The following UBE2E2 variants were observed in gnomAD, a reference collection of about 807,000 sequenced individuals.
UBE2E2 encodes ubiquitin conjugating enzyme E2 E2, also known as ubiquitin-conjugating enzyme E2 E2.
Under a neutral mutation model 24.7 loss-of-function variants are expected in UBE2E2, and 6 were observed. That is an observed-to-expected ratio of 0.24 (90% CI 0.13 to 0.48). The LOEUF (loss-of-function observed/expected upper bound fraction) is 0.48, where lower values mean the gene tolerates loss of function less well. Ranked by LOEUF, UBE2E2 falls within the 20% of genes least tolerant of loss-of-function variation. The pLI, the probability that UBE2E2 is intolerant of heterozygous loss-of-function variation, is 0.99. For missense variants in UBE2E2, 169 were observed against 245.0 expected (o/e 0.69, Z 2.07); for synonymous variants, 104 against 83.6 (o/e 1.24, Z -1.33).
chr3:23,398,027 T>C (rs964837218), intron 3 of UBE2E2, among the ~76,000 whole-genome samples: 1 of 152,116 alleles, frequency 6.6e-6, no homozygotes, highest in African/African-American at 2.4e-5. Context: ...CAAAAGAAAC[T>C]TGGGGCCAGG....
At chr3:23,251,245 A>G (rs911096530) in intron 3 of UBE2E2, among the ~76,000 whole-genome samples, 8 of 152,054 alleles carry the variant, frequency 5.3e-5, no homozygotes, top group Non-Finnish European at 1.2e-4. Flanking sequence ...CTTGTGTGGG[A>G]ATCTGGGGGA....
intron 5 of UBE2E2, among the ~76,000 whole-genome samples, chr3:23,563,257 C>T (rs917713829): frequency 6.6e-5 from 10 of 152,154 alleles, no homozygotes; most frequent in African/African-American, 2.4e-4. Flanking sequence ...CCTAGAGATT[C>T]TAGTATGTTG....
intron 3 of UBE2E2, among the ~76,000 whole-genome samples, chr3:23,361,135 C>G (rs1696103671): frequency 6.6e-6 from 1 of 152,140 alleles, no homozygotes; most frequent in Non-Finnish European, 1.5e-5. Flanking sequence ...GAGATACCAC[C>G]TTACTCCTGT....
chr3:23,509,378 T>C (rs180893341), intron 4 of UBE2E2, among the ~76,000 whole-genome samples: 4 of 152,324 alleles, frequency 2.6e-5, no homozygotes, highest in Non-Finnish European at 4.4e-5. Flanking sequence ...GGAAATAATA[T>C]TCTACGTGTG....
At chr3:23,430,166 T>TA (rs147733838) in intron 3 of UBE2E2, among the ~76,000 whole-genome samples, 6,551 of 152,302 alleles carry the variant, frequency 0.043, 491 homozygotes, top group African/African-American at 0.15. Flanking sequence ...CTTAAGAATA[T>TA]AAACTCGATG....
chr3:23,540,549 C>A (rs1156480702), intron 5 of UBE2E2, among the ~76,000 whole-genome samples: 3 of 152,054 alleles, frequency 2.0e-5, no homozygotes, highest in Non-Finnish European at 2.9e-5. Flanking sequence ...AGATTACAGG[C>A]GCGCACCACC....
At chr3:23,324,393 G>A (rs1694829509) in intron 3 of UBE2E2, among the ~76,000 whole-genome samples, 1 of 152,108 alleles carries the variant, frequency 6.6e-6, no homozygotes, top group South Asian at 2.1e-4. Context: ...TATTCCTTAT[G>A]AATTATGAAG....
intron 3 of UBE2E2, among the ~76,000 whole-genome samples, chr3:23,225,579 T>C (rs970451645): frequency 6.6e-6 from 1 of 152,228 alleles, no homozygotes; most frequent in African/African-American, 2.4e-5. Flanking sequence ...ATTGTCTTGA[T>C]ACCCTTGTTG....
chr3:23,250,051 C>G (rs752157756), intron 3 of UBE2E2, among the ~76,000 whole-genome samples: 20 of 152,170 alleles, frequency 1.3e-4, no homozygotes, highest in Non-Finnish European at 2.6e-4. Flanking sequence ...CTGTCTTACC[C>G]CTTTAATCTA....
At chr3:23,534,017 A>C (rs1695193978) in intron 5 of UBE2E2, 1 of 172,840 alleles carries the variant, frequency 5.8e-6, no homozygotes, top group African/African-American at 2.4e-5. Flanking sequence ...TGTTATACTA[A>C]TTTAAAGTTA....
intron 3 of UBE2E2, among the ~76,000 whole-genome samples, chr3:23,355,803 G>A (rs1313244647): frequency 6.6e-6 from 1 of 152,174 alleles, no homozygotes; most frequent in Non-Finnish European, 1.5e-5. Context: ...TAAAGGAGAA[G>A]AACTATGCTA....
chr3:23,466,625 C>T (rs1360133029), intron 3 of UBE2E2, among the ~76,000 whole-genome samples: 4 of 151,818 alleles, frequency 2.6e-5, no homozygotes, highest in Admixed American at 6.6e-5. Context: ...TGGAGTGCAA[C>T]GGTGCAATCT....
chr3:23,316,345 T>C (rs1254681358), intron 3 of UBE2E2, among the ~76,000 whole-genome samples: 1 of 151,770 alleles, frequency 6.6e-6, no homozygotes, highest in Admixed American at 6.6e-5. Context: ...TCCTTCCCAC[T>C]CTTCCTTCCC....
intron 3 of UBE2E2, among the ~76,000 whole-genome samples, chr3:23,278,618 T>C (rs932075842): frequency 2.6e-5 from 4 of 152,148 alleles, no homozygotes; most frequent in African/African-American, 7.2e-5. Context: ...ATATCTGGGA[T>C]ATGTTGTGGG....
chr3:23,568,692 CACACATATATATATACATGTATAT>C (rs1575713777), intron 5 of UBE2E2, among the ~76,000 whole-genome samples: 2 of 81,232 alleles, frequency 2.5e-5, no homozygotes, highest in African/African-American at 1.1e-4. Context: ...TACATATATA[CACACATATATATATACATGTATAT>C]ACACATATAT....
chr3:23,583,888 C>G lies in UBE2E2; in HGVS notation c.509-5846C>G, dbSNP rs548394220. On this transcript the variant is annotated intron_variant, in intron 5 of 5. Transcript: ENST00000396703. The surrounding 1 kb of genome is among the most constrained non-coding windows in gnomAD (Gnocchi z 4.1). Reference sequence around the variant, plus strand: ...AGGGATAGTTTGACTTCCTCCCTTCCTATTCGAATGCATTTTATTTCTTTC... The same window carrying G: ...AGGGATAGTTTGACTTCCTCCCTTCGTATTCGAATGCATTTTATTTCTTTC... Among the ~76,000 whole-genome samples, 3 of 152,284 alleles carry G rather than the reference C, an allele frequency of 2.0e-5. No homozygotes were observed. Among genetic ancestry groups the G allele is most frequent in the Non-Finnish European group, 2.9e-5 (2 of 68,026 alleles).
chr3:23,354,363 C>G (rs1426801006), intron 3 of UBE2E2, among the ~76,000 whole-genome samples: 2 of 152,088 alleles, frequency 1.3e-5, no homozygotes, highest in African/African-American at 2.4e-5. Context: ...AAAGCAATGG[C>G]AACAAAAGCC....
rs924214411 is a variant in UBE2E2, at chr3:23,487,884, A to G, written c.228-11724A>G. Reference sequence around the variant, plus strand: ...CTTTTGCTGTTAGTCTTCTGGTTGAATTGTCTTCCACTTCCTCTGCTTTGA... The same window carrying G: ...CTTTTGCTGTTAGTCTTCTGGTTGAGTTGTCTTCCACTTCCTCTGCTTTGA... On this transcript the variant is annotated intron_variant, in intron 3 of 5. Transcript: ENST00000396703. Among the ~76,000 whole-genome samples the G allele has an allele frequency of 2.0e-5, 3 of 152,036 alleles. No homozygotes were observed. In the East Asian group the frequency reaches 5.8e-4, roughly 29 times the overall value.
intron 3 of UBE2E2, among the ~76,000 whole-genome samples, chr3:23,350,692 A>G (rs1281528296): frequency 6.6e-6 from 1 of 152,224 alleles, no homozygotes; most frequent in Non-Finnish European, 1.5e-5. Flanking sequence ...GAGAAAAAAG[A>G]ATAAAAAGAT....
Sources: allele counts gnomAD v4.1 joint callset (sites outside exome capture counted in the v4.1 genomes callset), GRCh38; gene constraint gnomAD v4.1.1; non-coding constraint Gnocchi (gnomAD v3.1); transcripts MANE v1.5; gene names NCBI Gene and HGNC (gene_info 2026-07-23, HGNC 2026-07-21).